Variants in HCN1 observed in about 807,000 individuals in gnomAD.
The protein encoded by HCN1 is hyperpolarization activated cyclic nucleotide gated potassium channel 1, also known as potassium/sodium hyperpolarization-activated cyclic nucleotide-gated channel 1.
Under a neutral mutation model 78.9 loss-of-function variants are expected in HCN1, and 13 were observed. The observed-to-expected ratio is 0.16, with a 90% CI of 0.11 to 0.26. The LOEUF (loss-of-function observed/expected upper bound fraction) is 0.26. Among genes scored for constraint, HCN1 ranks in the 10% least tolerant of loss-of-function variants. The pLI is 1.00. For missense variants in HCN1, 810 were observed against 1,154.3 expected, an observed-to-expected ratio of 0.70 and a Z score of 4.32; for synonymous variants, 552 against 455.5, an observed-to-expected ratio of 1.21 and a Z score of -2.70.
rs114519853 is a variant in HCN1, at chr5:45,292,532, T to C, written c.1618+11067A>G. Among the ~76,000 whole-genome samples the C allele has an allele frequency of 5.3e-3, 810 of 152,110 alleles. 6 individuals carry two copies. The highest frequency in any genetic ancestry group is 8.2e-3 in the Non-Finnish European group (559 of 67,920). ...TAATAAAGTGAGATTAATTTGAAAT[T>C]AGAAAACAATTTAAAAGGCATAAAC... On this transcript the variant is annotated intron_variant, in intron 6 of 7. Transcript: ENST00000303230.
chr5:45,614,535 G>A (rs1744904480), intron 2 of HCN1, among the ~76,000 whole-genome samples: 1 of 152,068 alleles, frequency 6.6e-6, no homozygotes, highest in South Asian at 2.1e-4. Flanking sequence ...GACAATGGTT[G>A]TGGTTTAAAG....
intron 1 of HCN1, among the ~76,000 whole-genome samples, chr5:45,671,987 C>T (rs1027903466): frequency 6.6e-6 from 1 of 151,464 alleles, no homozygotes; most frequent in Non-Finnish European, 1.5e-5. Context: ...TTAAAATCTG[C>T]ATTTTGAAAT....
chr5:45,267,296 T>G, intron 6 of HCN1, 43 bp from the exon 7 acceptor site: 1 of 1,599,736 alleles, frequency 6.3e-7, no homozygotes, highest in Non-Finnish European at 8.6e-7. Context: ...GTTTGATCAT[T>G]TTCTTTTAAA....
At position 45,664,847 on chromosome 5, in the gene HCN1, G is replaced by A. The variant is rs550610673; in HGVS notation, c.426-19239C>T. Among the ~76,000 whole-genome samples, 265 of 152,072 alleles carry A rather than the reference G, an allele frequency of 1.7e-3. 5 individuals carry two copies. The highest frequency in any genetic ancestry group is 6.1e-3 in the African/African-American group (254 of 41,402). ...GAAATAGGAACACTTTTACACTGTTGGTGGGACTGTAAACTAGTTCAACCA... is the reference window on the plus strand; with the variant it reads ...GAAATAGGAACACTTTTACACTGTTAGTGGGACTGTAAACTAGTTCAACCA... On this transcript the variant is annotated intron_variant, in intron 1 of 7. Transcript: ENST00000303230.
At chr5:45,285,333 A>C (rs1745246371) in intron 6 of HCN1, among the ~76,000 whole-genome samples, 1 of 151,860 alleles carries the variant, frequency 6.6e-6, no homozygotes, top group African/African-American at 2.4e-5. Context: ...TATCTTTCTA[A>C]AATGTTATTC....
At chr5:45,489,035 T>C (rs1463555092) in intron 2 of HCN1, among the ~76,000 whole-genome samples, 1 of 152,186 alleles carries the variant, frequency 6.6e-6, no homozygotes, top group African/African-American at 2.4e-5. Flanking sequence ...GTACTCAATG[T>C]ACCTGACTCT....
chr5:45,664,485 A>AT (rs1350336953), intron 1 of HCN1, among the ~76,000 whole-genome samples: 1 of 149,452 alleles, frequency 6.7e-6, no homozygotes, highest in East Asian at 2.0e-4. Flanking sequence ...AAAAAAAAAA[A>AT]GAAACTACCA....
At chr5:45,341,420 C>T (rs1040081822) in intron 5 of HCN1, among the ~76,000 whole-genome samples, 4 of 152,224 alleles carry the variant, frequency 2.6e-5, no homozygotes, top group African/African-American at 4.8e-5. Flanking sequence ...GCCAGATCAG[C>T]TGCAGATAAG....
At chr5:45,408,850 T>C (rs1739975924) in intron 3 of HCN1, among the ~76,000 whole-genome samples, 2 of 152,144 alleles carry the variant, frequency 1.3e-5, no homozygotes, top group South Asian at 2.1e-4. Flanking sequence ...GTTGTATATA[T>C]TTTTGTGCTG....
In HCN1 at chr5:45,389,032, C is replaced by A. The variant is rs529790726; in HGVS notation, c.1230+7460G>T. On this transcript the variant is annotated intron_variant, in intron 4 of 7. Coordinates refer to ENST00000303230, the MANE Select transcript of HCN1 (RefSeq NM_021072.4). ...TTAACATTTTTTAAAAATGGCAAAT[C>A]TAATCTCATCACTCTTCCATTTCAA... 1.4e-4 allele frequency among the ~76,000 whole-genome samples: 21 copies of A among 152,180 alleles called. No homozygotes were observed. The South Asian group carries it at 3.3e-3, about 24-fold the overall frequency.
At chr5:45,504,497 T>C (rs1742255208) in intron 2 of HCN1, among the ~76,000 whole-genome samples, 1 of 152,178 alleles carries the variant, frequency 6.6e-6, no homozygotes, top group Admixed American at 6.5e-5. Flanking sequence ...TCCAGTCTAT[T>C]GTTGATGGAC....
intron 5 of HCN1, among the ~76,000 whole-genome samples, chr5:45,346,122 TACTC>T (rs1441173806): frequency 2.0e-5 from 3 of 152,256 alleles, no homozygotes; most frequent in African/African-American, 7.2e-5. Context: ...CGTGAGAACT[TACTC>T]ACTAGCAAGA....
At chr5:45,319,520 G>T (rs555937778) in intron 5 of HCN1, among the ~76,000 whole-genome samples, 2 of 151,658 alleles carry the variant, frequency 1.3e-5, no homozygotes, top group Non-Finnish European at 2.9e-5. Flanking sequence ...TGTTTTGTGA[G>T]GTGCCCAGTA....
intron 2 of HCN1, among the ~76,000 whole-genome samples, chr5:45,513,749 CT>C (rs1561184153): frequency 6.6e-6 from 1 of 152,172 alleles, no homozygotes; most frequent in East Asian, 1.9e-4. Flanking sequence ...TGCCCCACCC[CT>C]GACTGTGGAA....
At chr5:45,659,674 C>A (rs866513984) in intron 1 of HCN1, among the ~76,000 whole-genome samples, 7 of 136,906 alleles carry the variant, frequency 5.1e-5, no homozygotes, top group Non-Finnish European at 9.3e-5. Flanking sequence ...CCTCAGGAGC[C>A]GATGCAATCA....
At chr5:45,487,027 C>CAA (rs1160120674) in intron 2 of HCN1, among the ~76,000 whole-genome samples, 1 of 152,010 alleles carries the variant, frequency 6.6e-6, no homozygotes, top group Non-Finnish European at 1.5e-5. Context: ...TGTAAGTCGT[C>CAA]AGATGTTTTA....
intron 5 of HCN1, among the ~76,000 whole-genome samples, chr5:45,326,170 T>A (rs1220119720): frequency 3.3e-5 from 5 of 151,666 alleles, no homozygotes; most frequent in East Asian, 3.9e-4. Context: ...TCACATTGCA[T>A]GCCTGTACTA....
intron 2 of HCN1, among the ~76,000 whole-genome samples, chr5:45,590,581 T>C (rs1256381359): frequency 6.6e-6 from 1 of 152,200 alleles, no homozygotes; most frequent in Non-Finnish European, 1.5e-5. Context: ...TAATGACCCC[T>C]TTAGTATTAT....
chr5:45,496,627 C>A (rs1274364008), intron 2 of HCN1, among the ~76,000 whole-genome samples: 1 of 152,160 alleles, frequency 6.6e-6, no homozygotes, highest in Non-Finnish European at 1.5e-5. Flanking sequence ...AGCGGTCTAT[C>A]AATTTTGTTG....
Sources: allele counts gnomAD v4.1 joint callset (sites outside exome capture counted in the v4.1 genomes callset), GRCh38; gene constraint gnomAD v4.1.1; transcripts MANE v1.5; gene names NCBI Gene and HGNC (gene_info 2026-07-23, HGNC 2026-07-21).